SCD5: variants seen among roughly 807,000 people sequenced by gnomAD.
SCD5 encodes stearoyl-CoA desaturase 5.
In SCD5, 20 loss-of-function variants were observed where a neutral mutation model predicts 30.4. The ratio of observed to expected loss-of-function variants is 0.66; its 90% confidence interval spans 0.46 to 0.96. The LOEUF (loss-of-function observed/expected upper bound fraction) is 0.96. Ranked by LOEUF, SCD5 falls within the 40% of genes least tolerant of loss-of-function variation. The probability of loss-of-function intolerance (pLI) is 0.00; values close to 1 mark genes in which losing one functional copy is unlikely to be tolerated. For missense variants in SCD5, 381 were observed against 443.3 expected (o/e 0.86, Z 1.26); for synonymous variants, 173 against 176.4 (o/e 0.98, Z 0.16).
intron 1 of SCD5, among the ~76,000 whole-genome samples, chr4:82,717,081 T>C (rs1229143165): frequency 6.6e-6 from 1 of 151,842 alleles, no homozygotes; most frequent in Non-Finnish European, 1.5e-5. Flanking sequence ...TTAGTATCCA[T>C]GGAGGGTTCC....
intron 1 of SCD5, among the ~76,000 whole-genome samples, chr4:82,708,087 G>T (rs1043480060): frequency 6.6e-6 from 1 of 152,090 alleles, no homozygotes; most frequent in African/African-American, 2.4e-5. Context: ...TGGGGTAGGG[G>T]GTGGAGGAAA....
chr4:82,759,416 C>T (rs1212609910), intron 1 of SCD5, among the ~76,000 whole-genome samples: 2 of 152,184 alleles, frequency 1.3e-5, no homozygotes, highest in Non-Finnish European at 2.9e-5. Flanking sequence ...CAAATGGAAC[C>T]AACGGGAGCT....
At chr4:82,694,651 A>G (rs1719656597) in intron 2 of SCD5, among the ~76,000 whole-genome samples, 2 of 149,676 alleles carry the variant, frequency 1.3e-5, no homozygotes, top group African/African-American at 5.1e-5. Context: ...CTTTGAATCA[A>G]TAACTCTGCA....
intron 1 of SCD5, among the ~76,000 whole-genome samples, chr4:82,750,659 T>C (rs1373313428): frequency 6.8e-6 from 1 of 147,920 alleles, no homozygotes; most frequent in Non-Finnish European, 1.5e-5. Flanking sequence ...AAAAAAGTCA[T>C]GAAACCAAAA....
chr4:82,753,529 C>T (rs557199005), intron 1 of SCD5: 1 of 437,960 alleles, frequency 2.3e-6, no homozygotes, highest in Admixed American at 2.4e-5. Context: ...TCTTTGTGGG[C>T]TGAGTCACCT....
At chr4:82,782,564 G>C (rs1403685893) in intron 1 of SCD5, among the ~76,000 whole-genome samples, 2 of 152,072 alleles carry the variant, frequency 1.3e-5, no homozygotes, top group South Asian at 4.2e-4. Context: ...CTTTCTCCAG[G>C]GTCCTTTTTC....
chr4:82,776,632 A>G (rs1194541917), intron 1 of SCD5, among the ~76,000 whole-genome samples: 1 of 152,190 alleles, frequency 6.6e-6, no homozygotes, highest in Non-Finnish European at 1.5e-5. Flanking sequence ...TCTTCCAACG[A>G]GCATCTGTCT....
At chr4:82,713,711 T>C (rs1366952571) in intron 1 of SCD5, among the ~76,000 whole-genome samples, 1 of 152,214 alleles carries the variant, frequency 6.6e-6, no homozygotes, top group East Asian at 1.9e-4. Flanking sequence ...CTCAACCATG[T>C]TGATTGGTCT....
intron 1 of SCD5, among the ~76,000 whole-genome samples, chr4:82,708,407 C>G (rs573064075): frequency 6.6e-6 from 1 of 152,332 alleles, no homozygotes; most frequent in African/African-American, 2.4e-5. Flanking sequence ...ATCACCACCC[C>G]TAGATACTTG....
chr4:82,738,644 T>A (rs576863473), intron 1 of SCD5, among the ~76,000 whole-genome samples: 14 of 152,270 alleles, frequency 9.2e-5, no homozygotes, highest in African/African-American at 3.4e-4. Context: ...ACAACTATGG[T>A]CTCTGGAGAG....
At chr4:82,631,609 CAGG>C in intron 4 of SCD5, 92 bp from the exon 5 acceptor site, 1 of 1,374,486 alleles carries the variant, frequency 7.3e-7, no homozygotes, top group Non-Finnish European at 1.0e-6. Context: ...TTACCATGTG[CAGG>C]ACATGGTGTC....
At chr4:82,726,428 A>AC (rs1286558737) in intron 1 of SCD5, among the ~76,000 whole-genome samples, 1 of 151,808 alleles carries the variant, frequency 6.6e-6, no homozygotes, top group African/African-American at 2.4e-5. Flanking sequence ...AAAAAAAAAA[A>AC]AAAAAAACAA....
At chr4:82,749,286 T>C (rs774722926) in intron 1 of SCD5, among the ~76,000 whole-genome samples, 23 of 152,186 alleles carry the variant, frequency 1.5e-4, no homozygotes, top group Non-Finnish European at 2.9e-4. Flanking sequence ...AGTCTATTTA[T>C]TCAGGCCTGT....
chr4:82,777,504 C>T (rs1346345327), intron 1 of SCD5, among the ~76,000 whole-genome samples: 3 of 152,164 alleles, frequency 2.0e-5, no homozygotes, highest in Non-Finnish European at 4.4e-5. Context: ...ACAGGGTATA[C>T]TATTTCTGGT....
At chr4:82,714,962 C>T (rs747886758) in intron 1 of SCD5, among the ~76,000 whole-genome samples, 8 of 150,216 alleles carry the variant, frequency 5.3e-5, no homozygotes, top group Non-Finnish European at 1.0e-4. Flanking sequence ...TGAGGCTAGG[C>T]GCAGTGGCTC....
At chr4:82,661,452 G>A (rs1728005999) in intron 3 of SCD5, among the ~76,000 whole-genome samples, 1 of 152,186 alleles carries the variant, frequency 6.6e-6, no homozygotes, top group South Asian at 2.1e-4. Flanking sequence ...CAGTAAGAGA[G>A]AAAAGGTACT....
chr4:82,798,471 C>G lies in SCD5; in HGVS notation c.67G>C (p.Gly23Arg). ...FCDAKEEIRA[G>R]LESSEGGGGP... is the part of the protein sequence containing the mutation. ...CCGCCGCCCTCAGAGCTTTCGAGCC[C>G]GGCACGGATTTCTTCCTTGGCGTCG... Residue 23 changes from glycine to arginine, a missense_variant, in exon 1 of 5, where the codon GGG becomes CGG. Coordinates refer to ENST00000319540, the MANE Select transcript of SCD5 (RefSeq NM_001037582.3). 1 of 1,612,780 alleles carries G rather than the reference C, an allele frequency of 6.2e-7. No homozygotes were observed. Among genetic ancestry groups the G allele is most frequent in the Non-Finnish European group, 8.5e-7 (1 of 1,179,456 alleles).
At chr4:82,694,524 T>A (rs914255774) in intron 2 of SCD5, among the ~76,000 whole-genome samples, 1 of 152,108 alleles carries the variant, frequency 6.6e-6, no homozygotes, top group African/African-American at 2.4e-5. Flanking sequence ...GCTTTGAAAA[T>A]TTTATTTTAT....
Position 82,759,747 on chromosome 4 carries a change from G to A in SCD5, c.232+38559C>T, listed in dbSNP as rs529497444. On this transcript the variant is annotated intron_variant, in intron 1 of 4. Coordinates refer to ENST00000319540, the MANE Select transcript of SCD5 (RefSeq NM_001037582.3). ...TTCCTTTGGGCCTTCATTGTACAAAGTAAGTCCTTCCACCCTAGCATCTAT... is the reference window on the plus strand; with the variant it reads ...TTCCTTTGGGCCTTCATTGTACAAAATAAGTCCTTCCACCCTAGCATCTAT... 2.6e-5 allele frequency among the ~76,000 whole-genome samples: 4 copies of A among 151,324 alleles called. No homozygotes were observed. The South Asian group carries it at 8.4e-4, about 32-fold the overall frequency.
Sources: gnomAD v4.1 joint callset for allele counts (sites outside exome capture counted in the v4.1 genomes callset) on GRCh38, gnomAD v4.1.1 for gene constraint, MANE v1.5 for transcripts, NCBI Gene and HGNC (gene_info 2026-07-23, HGNC 2026-07-21) for gene names.